Variants in CDH13 observed in about 807,000 individuals in gnomAD.
CDH13 encodes the protein cadherin-13.
In CDH13, 24 loss-of-function variants were observed where a neutral mutation model predicts 63.8. The ratio of observed to expected loss-of-function variants is 0.38; its 90% CI spans 0.27 to 0.53. The LOEUF is 0.53. Ranked by LOEUF, CDH13 falls within the 20% of genes least tolerant of loss-of-function variation. The probability of loss-of-function intolerance (pLI) is 0.85; values close to 1 mark genes in which losing one functional copy is unlikely to be tolerated. For missense variants in CDH13, 1,049 were observed against 903.1 expected (o/e 1.16, Z -2.07); for synonymous variants, 503 against 355.3 (o/e 1.42, Z -4.67).
At chr16:82,691,356 T>A (rs1915626438) in intron 1 of CDH13, among the ~76,000 whole-genome samples, 1 of 152,176 alleles carries the variant, frequency 6.6e-6, no homozygotes, top group African/African-American at 2.4e-5. Context: ...AGCCTGAGCA[T>A]GTGGCAGGTG....
chr16:82,969,881 A>G (rs1908444089), intron 2 of CDH13, among the ~76,000 whole-genome samples: 1 of 151,962 alleles, frequency 6.6e-6, no homozygotes, highest in African/African-American at 2.4e-5. Context: ...GGCATATTTT[A>G]TTATTTTGTC....
intron 4 of CDH13, among the ~76,000 whole-genome samples, chr16:83,155,650 G>T (rs879579794): frequency 6.6e-6 from 1 of 152,082 alleles, no homozygotes; most frequent in African/African-American, 2.4e-5. Flanking sequence ...GATGCATTGG[G>T]GGCCTATTGT....
intron 7 of CDH13, among the ~76,000 whole-genome samples, chr16:83,595,106 A>G (rs1191231422): frequency 6.6e-6 from 1 of 152,246 alleles, no homozygotes; most frequent in Non-Finnish European, 1.5e-5. Flanking sequence ...TATGTCTTAC[A>G]AATCAGATAG....
At chr16:82,752,215 G>A (rs1238901664) in intron 1 of CDH13, among the ~76,000 whole-genome samples, 1 of 152,174 alleles carries the variant, frequency 6.6e-6, no homozygotes, top group South Asian at 2.1e-4. Flanking sequence ...GGCCTGAGGT[G>A]CAAGAACAAT....
intron 4 of CDH13, among the ~76,000 whole-genome samples, chr16:83,144,037 C>A (rs1267524833): frequency 6.6e-6 from 1 of 152,022 alleles, no homozygotes. Context: ...CCTGTTTGTT[C>A]TTGTATGAGA....
At chr16:83,413,049 C>T (rs2092150683) in intron 6 of CDH13, among the ~76,000 whole-genome samples, 1 of 152,186 alleles carries the variant, frequency 6.6e-6, no homozygotes, top group Admixed American at 6.5e-5. Flanking sequence ...ACGTAGAGTT[C>T]TGCATTTGGC....
intron 4 of CDH13, among the ~76,000 whole-genome samples, chr16:83,170,195 A>G (rs1219484169): frequency 1.3e-5 from 2 of 152,126 alleles, no homozygotes; most frequent in Non-Finnish European, 2.9e-5. Flanking sequence ...AACACATGAC[A>G]ATAAACCCTT....
chr16:83,133,596 T>C lies in CDH13; in HGVS notation c.483+8095T>C, dbSNP rs527972376. Among the ~76,000 whole-genome samples, 45 of 152,260 alleles carry C rather than the reference T, an allele frequency of 3.0e-4. No homozygotes were observed. In the South Asian group the frequency reaches 8.9e-3, roughly 30 times the overall value. On this transcript the variant is annotated intron_variant, in intron 4 of 13. Transcript: ENST00000567109. ...TCACTGCAACCTCTGCCTCCGGGGT[T>C]CAAGAGATTCTCATGCCTCAGCCTC... is the stretch of plus-strand genomic sequence containing the variant.
intron 3 of CDH13, among the ~76,000 whole-genome samples, chr16:83,076,744 G>A (rs2032870569): frequency 6.6e-6 from 1 of 152,104 alleles, no homozygotes; most frequent in African/African-American, 2.4e-5. Flanking sequence ...AGATCTGCAT[G>A]CATATTGTTA....
chr16:83,793,767 G>C (rs1255844244), intron 13 of CDH13, among the ~76,000 whole-genome samples: 1 of 150,806 alleles, frequency 6.6e-6, no homozygotes, highest in Non-Finnish European at 1.5e-5. Context: ...AGCCAAGATT[G>C]TGCCAATGCA....
intron 10 of CDH13, among the ~76,000 whole-genome samples, chr16:83,701,503 A>G (rs908176096): frequency 5.9e-5 from 9 of 152,180 alleles, no homozygotes; most frequent in African/African-American, 2.2e-4. Context: ...TTGACTGAAC[A>G]TGCTTTCGCC....
intron 3 of CDH13, among the ~76,000 whole-genome samples, chr16:83,082,355 A>G (rs1260728834): frequency 6.6e-6 from 1 of 152,082 alleles, no homozygotes; most frequent in East Asian, 1.9e-4. Context: ...ATTCAGAAAG[A>G]TCTCCCTGCC....
intron 1 of CDH13, among the ~76,000 whole-genome samples, chr16:82,694,354 A>G (rs1567635224): frequency 6.6e-6 from 1 of 152,100 alleles, no homozygotes; most frequent in African/African-American, 2.4e-5. Context: ...CCACCCCAAC[A>G]TTTTTTTATG....
chr16:82,880,300 G>A (rs1332755396), intron 2 of CDH13, among the ~76,000 whole-genome samples: 1 of 152,070 alleles, frequency 6.6e-6, no homozygotes, highest in Non-Finnish European at 1.5e-5. Flanking sequence ...ACGTGGATGA[G>A]GGGTCTGAAG....
chr16:83,129,230 G>A (rs1027463197), intron 4 of CDH13, among the ~76,000 whole-genome samples: 10 of 151,942 alleles, frequency 6.6e-5, no homozygotes, highest in African/African-American at 9.7e-5. Flanking sequence ...ACACCACCAC[G>A]CTCCCAAAAA....
chr16:83,242,321 T>A (rs1036256551), intron 5 of CDH13, among the ~76,000 whole-genome samples: 1 of 152,222 alleles, frequency 6.6e-6, no homozygotes, highest in Non-Finnish European at 1.5e-5. Flanking sequence ...GATTGCCATT[T>A]ACTGAGGTGG....
chr16:83,264,231 T>G (rs567858801), intron 5 of CDH13, among the ~76,000 whole-genome samples: 1 of 152,156 alleles, frequency 6.6e-6, no homozygotes, highest in Non-Finnish European at 1.5e-5. Flanking sequence ...ATACCACCTG[T>G]TCAATGGGAA....
At chr16:83,649,666 G>A (rs966886642) in intron 8 of CDH13, among the ~76,000 whole-genome samples, 1 of 152,190 alleles carries the variant, frequency 6.6e-6, no homozygotes, top group Admixed American at 6.5e-5. Flanking sequence ...CCAGGGGAAG[G>A]AGGCAAGAAA....
At chr16:83,239,230 A>C (rs1475164229) in intron 5 of CDH13, among the ~76,000 whole-genome samples, 1 of 152,228 alleles carries the variant, frequency 6.6e-6, no homozygotes. Flanking sequence ...TTATCACTGC[A>C]GAGGGAGAGC....
Sources: allele counts gnomAD v4.1 joint callset (sites outside exome capture counted in the v4.1 genomes callset), GRCh38; gene constraint gnomAD v4.1.1; transcripts MANE v1.5; gene names NCBI Gene and HGNC (gene_info 2026-07-23, HGNC 2026-07-21).